The following SOX6 variants were observed in gnomAD, a reference collection of about 807,000 sequenced individuals.
SOX6 encodes transcription factor SOX-6.
In SOX6, 11 loss-of-function variants were observed where a neutral mutation model predicts 97.8. That is an observed-to-expected ratio of 0.11 (90% CI 0.07 to 0.19). The LOEUF is 0.19. Ranked by LOEUF, SOX6 falls within the 10% of genes least tolerant of loss-of-function variation. The pLI, the probability that SOX6 is intolerant of heterozygous loss-of-function variation, is 1.00. For synonymous variants in SOX6, 360 were observed against 371.4 expected, an observed-to-expected ratio of 0.97 and a Z score of 0.35; for missense variants, 810 against 1,039.5, an observed-to-expected ratio of 0.78 and a Z score of 3.04.
chr11:16,128,016 C>A (rs1465054595), intron 6 of SOX6, among the ~76,000 whole-genome samples: 1 of 152,070 alleles, frequency 6.6e-6, no homozygotes, highest in Non-Finnish European at 1.5e-5. Flanking sequence ...GTATTATGTC[C>A]CAGCTAGTTA....
At chr11:16,528,206 A>T (rs1206930239) in intron 4 of SOX6, among the ~76,000 whole-genome samples, 1 of 152,138 alleles carries the variant, frequency 6.6e-6, no homozygotes, top group Non-Finnish European at 1.5e-5. Context: ...TACATGGCCA[A>T]AGTCAATGGG....
chr11:16,390,254 C>T (rs1192328067), intron 1 of SOX6, among the ~76,000 whole-genome samples: 1 of 151,992 alleles, frequency 6.6e-6, no homozygotes. Context: ...TTCTCCAGGT[C>T]AGAAAAAAAT....
At chr11:16,661,457 C>G (rs10832666) in intron 3 of SOX6, among the ~76,000 whole-genome samples, 149,192 of 152,326 alleles carry the variant, frequency 0.98, 73,147 homozygotes, top group East Asian at 1. Context: ...TTTGGATTAA[C>G]ATCTACCATA....
intron 2 of SOX6, among the ~76,000 whole-genome samples, chr11:16,336,532 C>T (rs753536005): frequency 6.6e-6 from 1 of 152,128 alleles, no homozygotes; most frequent in Non-Finnish European, 1.5e-5. Context: ...CTCTCACCTG[C>T]ACCACTGCAA....
intron 1 of SOX6, among the ~76,000 whole-genome samples, chr11:16,738,201 C>G (rs766811953): frequency 7.2e-5 from 11 of 151,996 alleles, no homozygotes; most frequent in African/African-American, 9.7e-5. Flanking sequence ...CCCCTGCGCG[C>G]AATAGAGAAC....
intron 6 of SOX6, among the ~76,000 whole-genome samples, chr11:16,120,946 CAT>C (rs1449954539): frequency 6.6e-6 from 1 of 150,972 alleles, no homozygotes; most frequent in Non-Finnish European, 1.5e-5. Context: ...GTCAACGGTA[CAT>C]GTTTTAAAAA....
intron 3 of SOX6, among the ~76,000 whole-genome samples, chr11:16,672,540 G>C (rs1220122649): frequency 6.6e-6 from 1 of 152,158 alleles, no homozygotes; most frequent in East Asian, 1.9e-4. Context: ...GATGGCAGTA[G>C]GCAAAAAGAG....
chr11:16,390,658 C>T (rs1011508217), intron 1 of SOX6, among the ~76,000 whole-genome samples: 2 of 152,172 alleles, frequency 1.3e-5, no homozygotes, highest in Non-Finnish European at 2.9e-5. Flanking sequence ...TCAACTGTCA[C>T]CTACTCCATG....
intron 1 of SOX6, among the ~76,000 whole-genome samples, chr11:16,417,566 G>A (rs567900694): frequency 2.0e-5 from 3 of 152,208 alleles, no homozygotes; most frequent in Admixed American, 6.5e-5. Flanking sequence ...ACCAGAATGC[G>A]GCAGTGGGAA....
chr11:16,508,599 T>C (rs186764554), intron 4 of SOX6, among the ~76,000 whole-genome samples: 5 of 151,414 alleles, frequency 3.3e-5, no homozygotes, highest in Admixed American at 2.7e-4. Context: ...AAATACTGCA[T>C]GTTCTCCCGC....
chr11:16,026,964 G>T (rs1855231338), intron 12 of SOX6, among the ~76,000 whole-genome samples: 1 of 152,134 alleles, frequency 6.6e-6, no homozygotes, highest in African/African-American at 2.4e-5. Context: ...CAACTGTGGG[G>T]ATATGTGTTA....
At chr11:16,616,388 A>G (rs928202437) in intron 3 of SOX6, among the ~76,000 whole-genome samples, 1 of 152,124 alleles carries the variant, frequency 6.6e-6, no homozygotes, top group Non-Finnish European at 1.5e-5. Context: ...ACTAAATTTG[A>G]CTAAATTCTC....
intron 9 of SOX6, among the ~76,000 whole-genome samples, chr11:16,091,143 C>G (rs903897746): frequency 6.6e-6 from 1 of 151,914 alleles, no homozygotes; most frequent in Non-Finnish European, 1.5e-5. Flanking sequence ...TGTAATGGTC[C>G]TCCCAAATTC....
chr11:15,973,262 G>T, intron 15 of SOX6, 150 bp from the exon 16 acceptor site: 1 of 785,518 alleles, frequency 1.3e-6, no homozygotes, highest in Non-Finnish European at 2.1e-6. Flanking sequence ...TGACAAAGGT[G>T]TTCCCTGGAG....
At chr11:16,438,829 A>G (rs1011181651) in intron 1 of SOX6, among the ~76,000 whole-genome samples, 2 of 152,132 alleles carry the variant, frequency 1.3e-5, no homozygotes, top group Non-Finnish European at 2.9e-5. Flanking sequence ...AGGTCTAAAA[A>G]GAGATCCCCT....
intron 3 of SOX6, among the ~76,000 whole-genome samples, chr11:16,285,556 T>C (rs751535751): frequency 7.9e-5 from 12 of 152,028 alleles, no homozygotes; most frequent in Non-Finnish European, 1.3e-4. Flanking sequence ...TATATTTATA[T>C]ATATTTTTAG....
intron 3 of SOX6, among the ~76,000 whole-genome samples, chr11:16,709,567 G>A (rs567201605): frequency 6.6e-6 from 1 of 152,194 alleles, no homozygotes; most frequent in Admixed American, 6.5e-5. Context: ...CATGTGAGAA[G>A]TCTGTTCCTC....
intron 3 of SOX6, among the ~76,000 whole-genome samples, chr11:16,621,400 C>G (rs1316546694): frequency 2.0e-5 from 3 of 152,126 alleles, no homozygotes; most frequent in Non-Finnish European, 1.5e-5. Flanking sequence ...AGTTTACAAC[C>G]ATTCCAAGTC....
At chr11:16,276,174 T>C (rs1477590457) in intron 3 of SOX6, among the ~76,000 whole-genome samples, 2 of 152,142 alleles carry the variant, frequency 1.3e-5, no homozygotes, top group African/African-American at 4.8e-5. Context: ...TTTCTGTAAA[T>C]GTAACTCAAA....
Sources: allele counts gnomAD v4.1 joint callset (sites outside exome capture counted in the v4.1 genomes callset), GRCh38; gene constraint gnomAD v4.1.1; transcripts MANE v1.5; gene names NCBI Gene and HGNC (gene_info 2026-07-23, HGNC 2026-07-21).